TRNAU1AP: variants seen among roughly 807,000 people sequenced by gnomAD.
The protein encoded by TRNAU1AP is tRNA selenocysteine 1 associated protein 1.
TRNAU1AP carries 33 observed loss-of-function variants against 43.3 expected under a neutral mutation model. That is an observed-to-expected ratio of 0.76 (90% CI 0.58 to 1.02). The LOEUF (loss-of-function observed/expected upper bound fraction) is 1.02, where lower values mean the gene tolerates loss of function less well. TRNAU1AP is among the 50% of genes least tolerant of loss of function. TRNAU1AP has a pLI of 0.00. For missense variants in TRNAU1AP, 290 were observed against 362.7 expected (o/e 0.80, Z 1.63); for synonymous variants, 143 against 129.1 (o/e 1.11, Z -0.73).
At chr1:28,561,118 T>A in intron 3 of TRNAU1AP, 1 of 1,400,726 alleles carries the variant, frequency 7.1e-7, no homozygotes, top group Non-Finnish European at 9.3e-7. Flanking sequence ...CACAGTTACT[T>A]AGCTTACAGC....
chr1:28,557,563 T>A (rs1293281715), intron 2 of TRNAU1AP, among the ~76,000 whole-genome samples: 1 of 151,180 alleles, frequency 6.6e-6, no homozygotes, highest in Non-Finnish European at 1.5e-5. Context: ...TTATCTTTTC[T>A]CCTTTTCTAT....
Position 28,567,390 on chromosome 1 carries a change from G to T in TRNAU1AP, c.507G>T (p.Arg169=). ...TGGGACTGGGGTCTAAGCCTGTGCG[G>T]CTGAGCGTGGCAATCCCTAAAGCGT... The part of the protein sequence containing the change: ...GAVGLGSKPV[R]LSVAIPKASR... The change falls in exon 6 of 9, where the codon CGG becomes CGT. Residue 169 remains arginine, a synonymous_variant. Coordinates refer to ENST00000373830, the MANE Select transcript of TRNAU1AP (RefSeq NM_017846.5). The T allele has an allele frequency of 6.2e-7, 1 of 1,610,224 alleles. No individual in the cohort carries two copies. Among genetic ancestry groups the T allele is most frequent in the Non-Finnish European group, 8.5e-7 (1 of 1,179,148 alleles).
intron 2 of TRNAU1AP, among the ~76,000 whole-genome samples, chr1:28,556,177 A>G (rs1274237768): frequency 1.3e-5 from 2 of 151,630 alleles, no homozygotes; most frequent in Non-Finnish European, 2.9e-5. Context: ...AAACACTGGC[A>G]TAGGCTGGGC....
At chr1:28,573,508 C>T (rs1665708451) in intron 8 of TRNAU1AP, among the ~76,000 whole-genome samples, 1 of 151,902 alleles carries the variant, frequency 6.6e-6, no homozygotes, top group African/African-American at 2.4e-5. Flanking sequence ...CGCGGTGGCT[C>T]ACCCCTGTAC....
intron 2 of TRNAU1AP, among the ~76,000 whole-genome samples, chr1:28,554,215 AAAAAAC>A (rs1557430215): frequency 1.4e-5 from 2 of 146,444 alleles, no homozygotes; most frequent in African/African-American, 5.5e-5. Flanking sequence ...AAAAAAAACA[AAAAAAC>A]AAAAAACGCA....
chr1:28,561,843 C>A (rs962390922), intron 4 of TRNAU1AP, among the ~76,000 whole-genome samples: 2 of 152,092 alleles, frequency 1.3e-5, no homozygotes, highest in Admixed American at 1.3e-4. Flanking sequence ...GAGGCCAAGG[C>A]GGGCGGATCA....
intron 6 of TRNAU1AP, among the ~76,000 whole-genome samples, chr1:28,568,390 C>T (rs538069009): frequency 3.9e-5 from 6 of 152,156 alleles, no homozygotes; most frequent in Admixed American, 6.6e-5. Context: ...ATCCTCCCAT[C>T]TCAGCCTCCT....
In TRNAU1AP at chr1:28,571,308, C is replaced by A. The variant is rs199515136; in HGVS notation, c.663C>A (p.Pro221=). 2.1e-5 allele frequency: 34 copies of A among 1,613,920 alleles called. No individual in the cohort carries two copies. In the Admixed American group the frequency reaches 4.3e-4, roughly 21 times the overall value. Residue 221 remains proline, a synonymous_variant, in exon 7 of 9, where the codon CCC becomes CCA. Coordinates refer to ENST00000373830, the MANE Select transcript of TRNAU1AP (RefSeq NM_017846.5). ...CAGGCAGCTACAGCTACAGTTACCC[C>A]CAGTATGGCTATACCCAGAGCACCA... ...QNTGSYSYSY[P]QYGYTQSTMQ...
At position 28,575,679 on chromosome 1, in the gene TRNAU1AP, T is replaced by C. The variant is rs184749174; in HGVS notation, c.728-1821T>C. Among the ~76,000 whole-genome samples, 1,148 of 151,584 alleles carry C rather than the reference T, an allele frequency of 7.6e-3. 3 individuals carry two copies. The highest frequency in any genetic ancestry group is 0.013 in the Non-Finnish European group (849 of 67,902). ...CGGAGTCTTGCTCTGTCGCCCAGGC[T>C]GGAGTGCAGTGGCGCAATCTCGCAT... On this transcript the variant is annotated intron_variant, in intron 8 of 8. Coordinates refer to ENST00000373830, the MANE Select transcript of TRNAU1AP (RefSeq NM_017846.5).
intron 5 of TRNAU1AP, chr1:28,565,750 G>A (rs1489401136): frequency 6.6e-6 from 1 of 151,692 alleles, no homozygotes; most frequent in African/African-American, 2.4e-5. Flanking sequence ...TCACACAACT[G>A]TGCTCCAGCC....
chr1:28,559,653 T>C (rs1183239374), intron 2 of TRNAU1AP, among the ~76,000 whole-genome samples: 7 of 151,616 alleles, frequency 4.6e-5, no homozygotes. Flanking sequence ...AGAGCAAAAC[T>C]CGGTCTCAGA....
chr1:28,573,714 A>G (rs1390463806), intron 8 of TRNAU1AP, among the ~76,000 whole-genome samples: 1 of 151,182 alleles, frequency 6.6e-6, no homozygotes, highest in Non-Finnish European at 1.5e-5. Context: ...CGGAAGTTGC[A>G]GTGAGTCGAG....
At chr1:28,576,774 T>C (rs1406857252) in intron 8 of TRNAU1AP, among the ~76,000 whole-genome samples, 1 of 152,146 alleles carries the variant, frequency 6.6e-6, no homozygotes, top group Non-Finnish European at 1.5e-5. Context: ...TCATTTTGTA[T>C]TTTTAGTAGA....
intron 5 of TRNAU1AP, among the ~76,000 whole-genome samples, chr1:28,566,468 A>G (rs1484530570): frequency 2.0e-5 from 3 of 151,802 alleles, no homozygotes; most frequent in Non-Finnish European, 4.4e-5. Flanking sequence ...TAAAAAAAAT[A>G]CAGGCCAGGC....
In TRNAU1AP at chr1:28,577,678, TGA is replaced by T. The variant is rs562419352; in HGVS notation, c.*47_*48del. 360 of 1,555,756 alleles carry T rather than the reference TGA, an allele frequency of 2.3e-4. 1 individual carries two copies. Among genetic ancestry groups the T allele is most frequent in the African/African-American group, 1.9e-3 (134 of 72,270 alleles). ...GCCAGGTTGCATGATGTGAGGGAGA[TGA>T]GAGACTCCTTTTTAAAAATTGTGAA... On this transcript the variant is annotated 3_prime_UTR_variant, in exon 9 of 9. Transcript: ENST00000373830.
intron 8 of TRNAU1AP, among the ~76,000 whole-genome samples, chr1:28,574,040 T>C (rs1192377156): frequency 6.6e-6 from 1 of 151,562 alleles, no homozygotes; most frequent in Admixed American, 6.6e-5. Context: ...GCCTAGAACT[T>C]TGAGACCAGC....
intron 6 of TRNAU1AP, among the ~76,000 whole-genome samples, chr1:28,568,037 G>A (rs890725904): frequency 6.6e-6 from 1 of 152,142 alleles, no homozygotes; most frequent in African/African-American, 2.4e-5. Flanking sequence ...GGTGGTGCAT[G>A]CCTGTAGTCC....
intron 2 of TRNAU1AP, among the ~76,000 whole-genome samples, chr1:28,557,121 T>C (rs1408090263): frequency 6.6e-6 from 1 of 151,594 alleles, no homozygotes; most frequent in Non-Finnish European, 1.5e-5. Context: ...CCTTACTGTT[T>C]ATTGAAATAA....
At chr1:28,575,699 T>C (rs1665762015) in intron 8 of TRNAU1AP, among the ~76,000 whole-genome samples, 1 of 151,440 alleles carries the variant, frequency 6.6e-6, no homozygotes, top group Non-Finnish European at 1.5e-5. Flanking sequence ...TGGCGCAATC[T>C]CGCATGCCCA....
Sources: allele counts gnomAD v4.1 joint callset (sites outside exome capture counted in the v4.1 genomes callset), GRCh38; gene constraint gnomAD v4.1.1; transcripts MANE v1.5; gene names NCBI Gene and HGNC (gene_info 2026-07-23, HGNC 2026-07-21).